Variants in DNM3 observed in about 807,000 individuals in gnomAD.
DNM3 encodes dynamin 3, also known as dynamin-3.
DNM3 carries 47 observed loss-of-function variants against 101.6 expected under a neutral mutation model. That is an observed-to-expected ratio of 0.46 (90% CI 0.37 to 0.59). The LOEUF (loss-of-function observed/expected upper bound fraction) is 0.59. Ranked by LOEUF, DNM3 falls within the 20% of genes least tolerant of loss-of-function variation. The pLI is 0.00. For synonymous variants in DNM3, 385 were observed against 387.9 expected, an observed-to-expected ratio of 0.99 and a Z score of 0.09; for missense variants, 849 against 1,085.7, an observed-to-expected ratio of 0.78 and a Z score of 3.06.
intron 10 of DNM3, among the ~76,000 whole-genome samples, chr1:172,064,237 A>G (rs1421391498): frequency 6.6e-6 from 1 of 152,186 alleles, no homozygotes; most frequent in Non-Finnish European, 1.5e-5. Flanking sequence ...CTAGATCAAT[A>G]TTATTTAGGC....
At chr1:172,195,204 A>G (rs555913885) in intron 14 of DNM3, among the ~76,000 whole-genome samples, 1 of 151,944 alleles carries the variant, frequency 6.6e-6, no homozygotes, top group Non-Finnish European at 1.5e-5. Context: ...ATGATGTTGT[A>G]TTTTTAATTT....
At chr1:171,989,628 T>C (rs1453876550) in intron 4 of DNM3, among the ~76,000 whole-genome samples, 1 of 152,136 alleles carries the variant, frequency 6.6e-6, no homozygotes, top group Non-Finnish European at 1.5e-5. Context: ...TGAGAAAAAA[T>C]GTACGTATAA....
chr1:172,409,246 A>G lies in DNM3; in HGVS notation c.*1405A>G. 1.0e-6 allele frequency: 1 copy of G among 985,392 alleles called. No homozygotes were observed. The highest frequency in any genetic ancestry group is 1.2e-6 in the Non-Finnish European group (1 of 829,896). The allele number at this position is 985,392 out of a possible 1,614,324, so 61.0% of individuals were successfully genotyped here. ...GTCCCATGACACTATTTCATATTCT[A>G]CAGAAGTAAATCAGGTTTCACCAAC... is the stretch of plus-strand genomic sequence containing the variant. On this transcript the variant is annotated 3_prime_UTR_variant, in exon 21 of 21. Coordinates refer to ENST00000627582, the MANE Select transcript of DNM3 (RefSeq NM_015569.5).
chr1:172,247,664 T>TC (rs1557877753), intron 14 of DNM3, among the ~76,000 whole-genome samples: 1 of 149,454 alleles, frequency 6.7e-6, no homozygotes, highest in Non-Finnish European at 1.5e-5. Context: ...TTCTTATTTA[T>TC]TTATTTATTT....
chr1:172,240,265 G>T (rs2061700493), intron 14 of DNM3, among the ~76,000 whole-genome samples: 1 of 152,122 alleles, frequency 6.6e-6, no homozygotes, highest in Admixed American at 6.6e-5. Context: ...TTGGTTATTT[G>T]GCTGAATGCT....
chr1:171,847,886 CTCTCTCTCTCTGTGTGTG>C (rs1352858028), intron 1 of DNM3, among the ~76,000 whole-genome samples: 2 of 50,910 alleles, frequency 3.9e-5, no homozygotes, highest in African/African-American at 1.5e-4. Context: ...ATTACTCTCT[CTCTCTCTCTCTGTGTGTG>C]TGTGTGTGTG....
At chr1:172,228,612 A>G (rs1302656901) in intron 14 of DNM3, among the ~76,000 whole-genome samples, 1 of 152,140 alleles carries the variant, frequency 6.6e-6, no homozygotes, top group Non-Finnish European at 1.5e-5. Context: ...TTGTCAAGTT[A>G]CCTCTCATAA....
At chr1:172,006,037 A>C (rs1410087709) in intron 4 of DNM3, among the ~76,000 whole-genome samples, 2 of 152,098 alleles carry the variant, frequency 1.3e-5, no homozygotes, top group Non-Finnish European at 2.9e-5. Flanking sequence ...GTATGTGTTC[A>C]GGATTCCAAA....
At chr1:172,203,586 T>C (rs1422784956) in intron 14 of DNM3, among the ~76,000 whole-genome samples, 1 of 152,196 alleles carries the variant, frequency 6.6e-6, no homozygotes, top group Non-Finnish European at 1.5e-5. Context: ...AGTAGACTCA[T>C]GTTATTTCTC....
At chr1:172,286,661 A>T (rs1337397993) in intron 15 of DNM3, among the ~76,000 whole-genome samples, 1 of 152,178 alleles carries the variant, frequency 6.6e-6, no homozygotes, top group Non-Finnish European at 1.5e-5. Context: ...CCAACTGCCT[A>T]CTGGGCATTT....
chr1:172,335,119 T>C (rs1392432144), intron 17 of DNM3, among the ~76,000 whole-genome samples: 4 of 152,126 alleles, frequency 2.6e-5, no homozygotes, highest in African/African-American at 4.8e-5. Context: ...TCATGGATTG[T>C]CAAGCAGAAA....
chr1:171,844,747 A>G (rs1045186571), intron 1 of DNM3, among the ~76,000 whole-genome samples: 3 of 152,218 alleles, frequency 2.0e-5, no homozygotes, highest in African/African-American at 7.2e-5. Flanking sequence ...GAGGCAGCTT[A>G]AGATCTAATG....
chr1:172,077,163 C>T (rs1343621253), intron 11 of DNM3, among the ~76,000 whole-genome samples: 3 of 152,010 alleles, frequency 2.0e-5, no homozygotes, highest in African/African-American at 7.2e-5. Context: ...AAGGTGATAT[C>T]CCCTTTATCA....
At chr1:172,052,967 T>G (rs2050311170) in intron 10 of DNM3, among the ~76,000 whole-genome samples, 1 of 152,198 alleles carries the variant, frequency 6.6e-6, no homozygotes, top group South Asian at 2.1e-4. Flanking sequence ...AAGCCTGAAT[T>G]ATTCCAGTGG....
intron 2 of DNM3, among the ~76,000 whole-genome samples, chr1:171,968,293 G>C (rs1291020297): frequency 6.6e-6 from 1 of 151,820 alleles, no homozygotes; most frequent in Non-Finnish European, 1.5e-5. Context: ...CTTGTCAAAA[G>C]ACAAAATTAC....
At chr1:172,028,436 A>G (rs2048364173) in intron 4 of DNM3, among the ~76,000 whole-genome samples, 1 of 152,240 alleles carries the variant, frequency 6.6e-6, no homozygotes, top group Non-Finnish European at 1.5e-5. Context: ...AGAGGAAGTT[A>G]TAGCACTAAA....
intron 15 of DNM3, among the ~76,000 whole-genome samples, chr1:172,272,752 A>T (rs1366488525): frequency 1.3e-5 from 2 of 152,148 alleles, no homozygotes; most frequent in Non-Finnish European, 2.9e-5. Flanking sequence ...ATTTAATTAG[A>T]CAAATTAACT....
intron 17 of DNM3, among the ~76,000 whole-genome samples, chr1:172,340,061 C>A (rs2066619695): frequency 1.3e-5 from 2 of 152,092 alleles, no homozygotes; most frequent in Non-Finnish European, 1.5e-5. Flanking sequence ...TGCAATCTAG[C>A]AGCTGTATGA....
chr1:172,401,020 T>A (rs2070444744), intron 20 of DNM3, among the ~76,000 whole-genome samples: 1 of 152,172 alleles, frequency 6.6e-6, no homozygotes, highest in Non-Finnish European at 1.5e-5. Context: ...CTTGTCTCTC[T>A]CCATCTCAAC....
Sources: gnomAD v4.1 joint callset for allele counts (sites outside exome capture counted in the v4.1 genomes callset) on GRCh38, gnomAD v4.1.1 for gene constraint, MANE v1.5 for transcripts, NCBI Gene and HGNC (gene_info 2026-07-23, HGNC 2026-07-21) for gene names.